The following ANGEL1 variants were observed in gnomAD, a reference collection of about 807,000 sequenced individuals.
ANGEL1 encodes RNA 2',3'-cyclic phosphatase ANGEL1.
ANGEL1 carries 62 observed loss-of-function variants against 76.4 expected under a neutral mutation model. The ratio of observed to expected loss-of-function variants is 0.81; its 90% CI spans 0.66 to 1.00. ANGEL1 has a LOEUF of 1.00. Ranked by LOEUF, ANGEL1 falls within the 50% of genes least tolerant of loss-of-function variation. ANGEL1 has a pLI of 0.00. For synonymous variants in ANGEL1, 340 were observed against 331.7 expected, an observed-to-expected ratio of 1.03 and a Z score of -0.27; for missense variants, 737 against 836.7, an observed-to-expected ratio of 0.88 and a Z score of 1.47.
At chr14:76,796,247 TTC>T (rs1343348685) in intron 7 of ANGEL1, among the ~76,000 whole-genome samples, 3 of 151,144 alleles carry the variant, frequency 2.0e-5, no homozygotes, top group East Asian at 1.9e-4. Context: ...AGTATTTTTT[TTC>T]TTTTTCTTTT....
chr14:76,806,325 G>C, intron 5 of ANGEL1, 91 bp downstream of exon 5: 1 of 1,362,486 alleles, frequency 7.3e-7, no homozygotes, highest in South Asian at 1.4e-5. Flanking sequence ...CAGGTGTACT[G>C]AGGTCCCTGC....
chr14:76,807,568 C>A (rs950733651), intron 3 of ANGEL1, 66 bp from the exon 4 acceptor site: 2 of 1,537,808 alleles, frequency 1.3e-6, no homozygotes, highest in Admixed American at 3.5e-5. Flanking sequence ...CCTCTAGGAG[C>A]AGGTCCTGAG....
Position 76,786,727 on chromosome 14 carries a change from T to C in ANGEL1, c.*2501A>G, listed in dbSNP as rs1022128450. 2 of 152,182 alleles carry C rather than the reference T, an allele frequency of 1.3e-5. No homozygotes were observed. The highest frequency in any genetic ancestry group is 2.9e-5 in the Non-Finnish European group (2 of 68,074). The allele number at this position is 152,182 out of a possible 1,614,324, so 9.4% of individuals were successfully genotyped here. On this transcript the variant is annotated 3_prime_UTR_variant, in exon 10 of 10. Coordinates refer to ENST00000251089, the MANE Select transcript of ANGEL1 (RefSeq NM_015305.4). ...GGTAGGCCTAGGAAGGAAGAGACAT[T>C]TTTCCAGCGACAGATGGCCCACTGC...
In ANGEL1 at chr14:76,786,622, GGTTT is replaced by G. The variant is rs1894269081; in HGVS notation, c.*2602_*2605del. ...TCAGGTAAGACAGAAAACCAGATCT[GGTTT>G]CAGGGCTCCCAGTGGGCATGTGGGC... is the stretch of plus-strand genomic sequence containing the variant. On this transcript the variant is annotated 3_prime_UTR_variant, in exon 10 of 10. Coordinates refer to ENST00000251089, the MANE Select transcript of ANGEL1 (RefSeq NM_015305.4). 6.6e-6 allele frequency: 1 copy of G among 152,184 alleles called. No individual in the cohort carries two copies. Among genetic ancestry groups the G allele is most frequent in the Non-Finnish European group, 1.5e-5 (1 of 68,052 alleles). The allele number at this position is 152,184 out of a possible 1,614,324, so 9.4% of individuals were successfully genotyped here. A position where few individuals can be genotyped will look rare whatever the true frequency, so the allele number is the denominator to read the frequency against.
At position 76,806,657 on chromosome 14, in the gene ANGEL1, T is replaced by C; in HGVS notation, c.1139A>G (p.Gln380Arg). Residue 380 changes from glutamine (Q) to arginine (R), a missense_variant, in exon 5 of 10, where the codon CAA becomes CGA. Physicochemically the swap from Gln to Arg is conservative, Grantham distance 43. Coordinates refer to ENST00000251089, the MANE Select transcript of ANGEL1 (RefSeq NM_015305.4). ...LQPLVPEGLG[Q>R]VSVAPLCVAN... ...CACACACAGCGGGGCCACCGAGACT[T>C]GTCCCAGGCCTTCTGGGACGAGTGG... 6.2e-7 allele frequency: 1 copy of C among 1,613,436 alleles called. No individual in the cohort carries two copies. Among genetic ancestry groups the C allele is most frequent in the Non-Finnish European group, 8.5e-7 (1 of 1,179,914 alleles).
chr14:76,796,031 A>AACT (rs1378177990), intron 7 of ANGEL1, among the ~76,000 whole-genome samples: 2 of 151,980 alleles, frequency 1.3e-5, no homozygotes, highest in Non-Finnish European at 2.9e-5. Flanking sequence ...TTGGGTGCTT[A>AACT]ACTCACTTTC....
rs760429776 is a variant in ANGEL1 at position 76,806,595 on chromosome 14, C to T, written c.1201G>A (p.Asp401Asn). 2.5e-6 allele frequency: 4 copies of T among 1,614,208 alleles called. No individual in the cohort carries two copies. Among genetic ancestry groups the T allele is most frequent in the Non-Finnish European group, 3.4e-6 (4 of 1,180,044 alleles). Residue 401 changes from aspartate (D) to asparagine (N), a missense_variant, in exon 5 of 10, where the codon GAT (aspartate) becomes AAT (asparagine). Physicochemically the swap from Asp to Asn is conservative, Grantham distance 23 (BLOSUM62 1). Around this residue, in one of 2 missense-constraint regions of ANGEL1, gnomAD observed 296 missense variants for 387.2 expected, o/e 0.76. Coordinates refer to ENST00000251089, the MANE Select transcript of ANGEL1 (RefSeq NM_015305.4). ...ATGGCCATCTGGGCCAGCTTGACAT[C>T]GCCCCGGCGTGGGTTGTAAAGGATA... ...THILYNPRRG[D>N]VKLAQMAILL...
chr14:76,799,515 G>A (rs1436981152), intron 7 of ANGEL1, among the ~76,000 whole-genome samples: 1 of 151,790 alleles, frequency 6.6e-6, no homozygotes, highest in East Asian at 1.9e-4. Flanking sequence ...AGATGGTCTC[G>A]ATCTCCTGAC....
chr14:76,811,811 G>A (rs922938288), intron 1 of ANGEL1, among the ~76,000 whole-genome samples: 1 of 152,172 alleles, frequency 6.6e-6, no homozygotes, highest in Non-Finnish European at 1.5e-5. Flanking sequence ...CTGCGCTCCT[G>A]AAGTTTGCAT....
intron 7 of ANGEL1, among the ~76,000 whole-genome samples, chr14:76,794,280 CAT>C (rs926691963): frequency 1.7e-4 from 26 of 152,016 alleles, no homozygotes; most frequent in African/African-American, 6.0e-4. Context: ...GATTTTATGA[CAT>C]GTGAATTTCA....
intron 2 of ANGEL1, 21 bp downstream of exon 2, chr14:76,809,038 T>G: frequency 6.3e-7 from 1 of 1,587,440 alleles, no homozygotes; most frequent in Non-Finnish European, 8.6e-7. Context: ...CTTGGCTCAC[T>G]CAACCAGTTG....
chr14:76,790,560 G>A, intron 9 of ANGEL1, 51 bp downstream of exon 9: 12 of 1,565,164 alleles, frequency 7.7e-6, no homozygotes, highest in Non-Finnish European at 1.0e-5. Context: ...CCTACCATTA[G>A]CTGTTCCCAG....
chr14:76,790,475 G>T, intron 9 of ANGEL1, 136 bp downstream of exon 9: 1 of 1,436,708 alleles, frequency 7.0e-7, no homozygotes, highest in Non-Finnish European at 9.2e-7. Flanking sequence ...AGGATGACCA[G>T]TGCAAGGGAG....
At position 76,789,292 on chromosome 14, in the gene ANGEL1, G is replaced by C; in HGVS notation, c.1949C>G (p.Pro650Arg). 4 of 1,614,218 alleles carry C rather than the reference G, an allele frequency of 2.5e-6. No individual in the cohort carries two copies. The highest frequency in any genetic ancestry group is 2.5e-6 in the Non-Finnish European group (3 of 1,180,038). The change falls in exon 10 of 10, where the codon CCC (proline) becomes CGC (arginine). Residue 650 changes from proline (P) to arginine (R), a missense_variant. Pro to Arg is a moderately radical substitution (Grantham distance 103). Transcript: ENST00000251089. ...ILWAANGLPNPFCSSDHLCLL... is the reference protein window; with the variant it reads ...ILWAANGLPNRFCSSDHLCLL... ...GCAGAGGTGGTCTGAAGAGCAGAAG[G>C]GGTTGGGTAAGCCATTGGCAGCCCA...
rs1389329973 is a variant in ANGEL1, at chr14:76,807,649, T to C, written c.877-147A>G. The stretch of plus-strand genomic sequence containing the variant: ...CCAACAGCAAGAACAGGCCCAGACT[T>C]AAGCTGAAGAGATTAGAGATGTGCA... On this transcript the variant is annotated intron_variant, in intron 3 of 9. Transcript: ENST00000251089. The C allele has an allele frequency of 6.4e-6, 5 of 782,460 alleles. No individual in the cohort carries two copies. The Admixed American group carries it at 1.2e-4, about 19-fold the overall frequency. 48.5% of individuals were successfully genotyped at this position (782,460 alleles called of 1,614,324 possible). A position where few individuals can be genotyped will look rare whatever the true frequency, so the allele number is the denominator to read the frequency against.
Position 76,803,384 on chromosome 14 carries a change from T to C in ANGEL1, c.1605A>G (p.Thr535=), listed in dbSNP as rs112134739. The stretch of plus-strand genomic sequence containing the variant: ...AGTTCCCATTACCTGGCTTAGTATC[T>C]GTCACTCCTTCCATAAGGACCAGTC... ...PVGLVLMEGV[T]DTKPERPAGW... The change falls in exon 7 of 10, where the codon ACA becomes ACG. Residue 535 remains threonine, a synonymous_variant. Transcript: ENST00000251089. 222 of 1,614,076 alleles carry C rather than the reference T, an allele frequency of 1.4e-4. No individual in the cohort carries two copies. In the African/African-American group the frequency reaches 2.4e-3, roughly 17 times the overall value.
intron 7 of ANGEL1, among the ~76,000 whole-genome samples, chr14:76,801,000 C>T (rs951250986): frequency 6.6e-6 from 1 of 151,970 alleles, no homozygotes; most frequent in Non-Finnish European, 1.5e-5. Flanking sequence ...TGAGGTCAAC[C>T]TCATCACCGT....
intron 5 of ANGEL1, chr14:76,804,122 G>A: frequency 6.9e-7 from 1 of 1,445,986 alleles, no homozygotes; most frequent in Non-Finnish European, 9.0e-7. Flanking sequence ...AAATGTCCAT[G>A]AAACAGGAGG....
At chr14:76,799,387 G>A (rs573231762) in intron 7 of ANGEL1, among the ~76,000 whole-genome samples, 6 of 132,692 alleles carry the variant, frequency 4.5e-5, no homozygotes, top group East Asian at 2.5e-4. Flanking sequence ...TCTGCCTCCC[G>A]CGTTCACACC....
Sources: allele counts gnomAD v4.1 joint callset (sites outside exome capture counted in the v4.1 genomes callset), GRCh38; gene constraint gnomAD v4.1.1; regional missense constraint gnomAD v4.1.1; transcripts MANE v1.5; gene names NCBI Gene and HGNC (gene_info 2026-07-23, HGNC 2026-07-21).